The following CNTNAP3 variants were observed in gnomAD, a reference collection of about 807,000 sequenced individuals.
CNTNAP3 encodes the protein contactin associated protein family member 3, also known as contactin-associated protein-like 3.
In CNTNAP3, 36 loss-of-function variants were observed where a neutral mutation model predicts 92.1. The ratio of observed to expected loss-of-function variants is 0.39; its 90% confidence interval spans 0.30 to 0.52. The LOEUF is 0.52. Ranked by LOEUF, CNTNAP3 falls within the 20% of genes least tolerant of loss-of-function variation. CNTNAP3 has a pLI of 0.76. For missense variants in CNTNAP3, 534 were observed against 1,069.6 expected, an observed-to-expected ratio of 0.50 and a Z score of 6.98; for synonymous variants, 232 against 422.3, an observed-to-expected ratio of 0.55 and a Z score of 5.53.
intron 14 of CNTNAP3, among the ~76,000 whole-genome samples, chr9:39,110,868 C>T (rs1431830381): frequency 3.3e-5 from 5 of 152,050 alleles, no homozygotes; most frequent in Admixed American, 2.6e-4. Flanking sequence ...ACAGACAAAA[C>T]ACTCTTAGTC....
intron 15 of CNTNAP3, 148 bp from the exon 16 acceptor site, chr9:39,104,062 A>C: frequency 7.5e-7 from 1 of 1,325,426 alleles, no homozygotes. Context: ...TCCATGTCAT[A>C]TACTGATGAC....
chr9:39,128,058 C>T (rs1179336991), intron 13 of CNTNAP3, among the ~76,000 whole-genome samples: 6 of 152,114 alleles, frequency 3.9e-5, no homozygotes, highest in African/African-American at 7.2e-5. Context: ...AGGCAGGTCT[C>T]GAACTCCTGA....
Position 39,205,083 on chromosome 9 carries a change from T to C in CNTNAP3, c.391-11808A>G, listed in dbSNP as rs2774141. The stretch of plus-strand genomic sequence containing the variant: ...GATGGTCAGTATTTCATTGTCATAA[T>C]AACCATAATCACCTTCACCCAAATT... On this transcript the variant is annotated intron_variant, in intron 3 of 23. Transcript: ENST00000297668. Among the ~76,000 whole-genome samples the C allele has an allele frequency of 3.3e-3, 122 of 37,264 alleles. 7 individuals are homozygous for C. The highest frequency in any genetic ancestry group is 0.022 in the African/African-American group (119 of 5,502). The allele number at this position is 37,264 out of a possible 152,430, so 24.4% of individuals were successfully genotyped here.
At chr9:39,113,778 A>G (rs1363694086) in intron 14 of CNTNAP3, among the ~76,000 whole-genome samples, 1 of 151,518 alleles carries the variant, frequency 6.6e-6, no homozygotes, top group Non-Finnish European at 1.5e-5. Flanking sequence ...ACAATAATGT[A>G]TAATACATTC....
At chr9:39,117,986 CT>C in intron 14 of CNTNAP3, 116 bp downstream of exon 14, 1 of 1,557,012 alleles carries the variant, frequency 6.4e-7, no homozygotes, top group East Asian at 2.2e-5. Context: ...TGTATTTCAG[CT>C]TGCTTGAACA....
intron 10 of CNTNAP3, among the ~76,000 whole-genome samples, chr9:39,148,209 T>C (rs1821749666): frequency 6.6e-6 from 1 of 152,064 alleles, no homozygotes; most frequent in African/African-American, 2.4e-5. Context: ...AATCTCAAGG[T>C]CAAGAATGAG....
chr9:39,090,916 G>C (rs1474493034), intron 18 of CNTNAP3, among the ~76,000 whole-genome samples: 1 of 152,150 alleles, frequency 6.6e-6, no homozygotes, highest in African/African-American at 2.4e-5. Flanking sequence ...TAAATGTATT[G>C]CTATGTATGT....
rs1285425028 is a variant in CNTNAP3, at chr9:39,068,754, T to C, written c.*5136A>G. Among the ~76,000 whole-genome samples, 1 of 152,422 alleles carries C rather than the reference T, an allele frequency of 6.6e-6. No homozygotes were observed. Among genetic ancestry groups the C allele is most frequent in the African/African-American group, 2.4e-5 (1 of 41,608 alleles). On this transcript the variant is annotated 3_prime_UTR_variant, in exon 24 of 24. Coordinates refer to ENST00000297668, the MANE Select transcript of CNTNAP3 (RefSeq NM_033655.5). ...AGAGACTTGCTAGGCTTCCTTAAGCTATCTATCTCCATTGTCACTGCTGTC... is the reference window on the plus strand; with the variant it reads ...AGAGACTTGCTAGGCTTCCTTAAGCCATCTATCTCCATTGTCACTGCTGTC...
intron 14 of CNTNAP3, among the ~76,000 whole-genome samples, chr9:39,111,397 G>GA (rs1826745039): frequency 6.6e-6 from 1 of 152,038 alleles, no homozygotes; most frequent in Non-Finnish European, 1.5e-5. Context: ...ATTATTCCCT[G>GA]AAAAAATACA....
At position 39,093,524 on chromosome 9, in the gene CNTNAP3, T is replaced by C. The variant is rs534115060; in HGVS notation, c.2996-4877A>G. Among the ~76,000 whole-genome samples the C allele has an allele frequency of 1.6e-4, 24 of 151,362 alleles. No individual in the cohort carries two copies. The South Asian group carries it at 4.4e-3, about 27-fold the overall frequency. On this transcript the variant is annotated intron_variant, in intron 18 of 23. Coordinates refer to ENST00000297668, the MANE Select transcript of CNTNAP3 (RefSeq NM_033655.5). The stretch of plus-strand genomic sequence containing the variant: ...AACTGTATTCATTAAGCAATAACTC[T>C]CCATTGCCCCCTCATCTCAGCTGCT...
intron 11 of CNTNAP3, 92 bp from the exon 12 acceptor site, chr9:39,140,730 G>A: frequency 2.7e-6 from 4 of 1,473,202 alleles, no homozygotes; most frequent in East Asian, 2.4e-5. Context: ...TTACAGACAT[G>A]TGATACATAT....
intron 14 of CNTNAP3, among the ~76,000 whole-genome samples, chr9:39,114,089 T>C (rs1820790094): frequency 6.7e-6 from 1 of 148,662 alleles, no homozygotes; most frequent in Non-Finnish European, 1.5e-5. Context: ...TACTTTTTTT[T>C]TTTTTTTTTT....
chr9:39,119,354 C>CT (rs1820946425), intron 13 of CNTNAP3, among the ~76,000 whole-genome samples: 1 of 79,286 alleles, frequency 1.3e-5, no homozygotes, highest in Non-Finnish European at 2.4e-5. Context: ...TGCCCCTCTG[C>CT]CAAAAAAAAA....
At chr9:39,112,391 G>A (rs1158646605) in intron 14 of CNTNAP3, among the ~76,000 whole-genome samples, 1 of 151,922 alleles carries the variant, frequency 6.6e-6, no homozygotes, top group Non-Finnish European at 1.5e-5. Context: ...TTGAGACAGA[G>A]TCTCACTCTT....
chr9:39,126,713 T>G (rs1821160660), intron 13 of CNTNAP3, among the ~76,000 whole-genome samples: 1 of 151,880 alleles, frequency 6.6e-6, no homozygotes, highest in Non-Finnish European at 1.5e-5. Context: ...GCTCAATTTC[T>G]ATGTAAACTT....
intron 14 of CNTNAP3, among the ~76,000 whole-genome samples, chr9:39,111,117 CA>C (rs1302431999): frequency 1.3e-5 from 2 of 152,156 alleles, no homozygotes; most frequent in African/African-American, 2.4e-5. Context: ...GAATACAATG[CA>C]TAATGATCAA....
At chr9:39,091,292 TCA>T (rs909663848) in intron 18 of CNTNAP3, among the ~76,000 whole-genome samples, 2 of 152,198 alleles carry the variant, frequency 1.3e-5, no homozygotes, top group African/African-American at 4.8e-5. Context: ...AAAAAAACAT[TCA>T]GTCTTTAAAA....
At chr9:39,077,879 C>T (rs1053119986) in intron 23 of CNTNAP3, among the ~76,000 whole-genome samples, 3 of 152,122 alleles carry the variant, frequency 2.0e-5, no homozygotes, top group Non-Finnish European at 2.9e-5. Context: ...TGAGAACCCC[C>T]AGGGAAGCTG....
intron 13 of CNTNAP3, among the ~76,000 whole-genome samples, chr9:39,126,650 T>C (rs1026857444): frequency 7.2e-5 from 11 of 152,026 alleles, no homozygotes; most frequent in African/African-American, 2.7e-4. Context: ...ATTAATATAG[T>C]CCATCAGATC....
Sources: allele counts gnomAD v4.1 joint callset (sites outside exome capture counted in the v4.1 genomes callset), GRCh38; gene constraint gnomAD v4.1.1; transcripts MANE v1.5; gene names NCBI Gene and HGNC (gene_info 2026-07-23, HGNC 2026-07-21).